Variants in CDH18 observed in about 807,000 individuals in gnomAD.
CDH18 encodes cadherin 18, also known as cadherin-18.
A neutral mutation model predicts 67.9 loss-of-function variants in CDH18; 31 were observed. The ratio of observed to expected loss-of-function variants is 0.46; its 90% confidence interval spans 0.34 to 0.62. The LOEUF is 0.62. Among genes scored for constraint, CDH18 ranks in the 20% least tolerant of loss-of-function variants. The pLI is 0.01. For synonymous variants in CDH18, 362 were observed against 347.2 expected (o/e 1.04, Z -0.48); for missense variants, 890 against 975.5 (o/e 0.91, Z 1.17).
At chr5:19,482,099 A>C (rs1739526187) in intron 12 of CDH18, among the ~76,000 whole-genome samples, 1 of 152,052 alleles carries the variant, frequency 6.6e-6, no homozygotes, top group African/African-American at 2.4e-5. Flanking sequence ...ATTTCAAATA[A>C]AAAATTTATT....
intron 3 of CDH18, among the ~76,000 whole-genome samples, chr5:19,837,035 T>A (rs1296932087): frequency 3.3e-5 from 5 of 152,082 alleles, no homozygotes; most frequent in African/African-American, 9.7e-5. Context: ...ATAAACTGGA[T>A]AAATAAAATG....
At position 19,740,384 on chromosome 5, in the gene CDH18, A is replaced by T. The variant is rs531886989; in HGVS notation, c.523+6558T>A. On this transcript the variant is annotated intron_variant, in intron 4 of 12. Transcript: ENST00000382275. Reference sequence around the variant, plus strand: ...AACAACTTCTAGATTTAAAACATTTAAAAAAAAATGACTGCAATAGAAACA... The same window carrying T: ...AACAACTTCTAGATTTAAAACATTTTAAAAAAAATGACTGCAATAGAAACA... Among the ~76,000 whole-genome samples, 41 of 151,092 alleles carry T rather than the reference A, an allele frequency of 2.7e-4. 1 individual carries two copies. The highest frequency in any genetic ancestry group is 5.8e-4 in the East Asian group (3 of 5,156).
At chr5:19,927,208 T>A (rs1667189692) in intron 2 of CDH18, among the ~76,000 whole-genome samples, 1 of 152,162 alleles carries the variant, frequency 6.6e-6, no homozygotes. Flanking sequence ...GCTAACCTGC[T>A]CATAAAGTGT....
At chr5:19,867,059 A>G (rs368196550) in intron 2 of CDH18, among the ~76,000 whole-genome samples, 14 of 152,316 alleles carry the variant, frequency 9.2e-5, no homozygotes, top group African/African-American at 3.1e-4. Context: ...ACTGCACTCC[A>G]GCCTGGGCAA....
chr5:19,737,669 G>A (rs1450291053), intron 4 of CDH18, among the ~76,000 whole-genome samples: 1 of 152,162 alleles, frequency 6.6e-6, no homozygotes, highest in East Asian at 1.9e-4. Context: ...TCAATTAAAA[G>A]TGAGGGGGAT....
chr5:20,260,129 C>A (rs572247215), intron 1 of CDH18, among the ~76,000 whole-genome samples: 2 of 151,416 alleles, frequency 1.3e-5, no homozygotes, highest in African/African-American at 2.4e-5. Flanking sequence ...TTAGATAAGC[C>A]GTAAAATCCA....
intron 2 of CDH18, among the ~76,000 whole-genome samples, chr5:19,891,856 T>A (rs1788813283): frequency 6.6e-6 from 1 of 152,220 alleles, no homozygotes; most frequent in South Asian, 2.1e-4. Context: ...ACATATTTTA[T>A]GTTTAAAAGC....
chr5:19,510,214 A>G (rs1002230035), intron 10 of CDH18, among the ~76,000 whole-genome samples: 4 of 152,174 alleles, frequency 2.6e-5, no homozygotes, highest in African/African-American at 7.2e-5. Context: ...GATGCATCGG[A>G]TTTCTTCAAA....
intron 11 of CDH18, among the ~76,000 whole-genome samples, chr5:19,489,126 T>C (rs1378088126): frequency 6.6e-6 from 1 of 152,168 alleles, no homozygotes; most frequent in Non-Finnish European, 1.5e-5. Flanking sequence ...ATAATGCTGA[T>C]ACAAATTATA....
Position 20,519,942 on chromosome 5 carries a change from C to CTTTTTTTTTTTTTTTT in CDH18, c.-580+55504_-580+55519dup, listed in dbSNP as rs777265512. On this transcript the variant is annotated intron_variant, in intron 1 of 14. Coordinates refer to the CDH18 transcript ENST00000507958. ...AGGCTGGAGTACAACACAGTCTTGG[C>CTTTTTTTTTTTTTTTT]TTTTTTTTTTTTTTTTTTTTTTTTT... 9.4e-4 allele frequency among the ~76,000 whole-genome samples: 39 copies of CTTTTTTTTTTTTTTTT among 41,686 alleles called. 15 individuals carry two copies. The highest frequency in any genetic ancestry group is 1.3e-3 in the African/African-American group (15 of 11,260). 27.3% of individuals were successfully genotyped at this position (41,686 alleles called of 152,430 possible). A position where few individuals can be genotyped will look rare whatever the true frequency, so the allele number is the denominator to read the frequency against.
At chr5:20,451,750 C>T (rs1326559163) in intron 1 of CDH18, among the ~76,000 whole-genome samples, 2 of 151,948 alleles carry the variant, frequency 1.3e-5, no homozygotes, top group Admixed American at 1.3e-4. Context: ...AATCAAATTG[C>T]CTATATTTCA....
intron 1 of CDH18, among the ~76,000 whole-genome samples, chr5:20,549,376 T>G (rs1464850448): frequency 6.6e-6 from 1 of 152,122 alleles, no homozygotes; most frequent in Non-Finnish European, 1.5e-5. Flanking sequence ...CTGTGTGTCT[T>G]CTAATTTTTG....
At chr5:20,294,072 T>A (rs955450238) in intron 1 of CDH18, among the ~76,000 whole-genome samples, 5 of 152,178 alleles carry the variant, frequency 3.3e-5, no homozygotes, top group African/African-American at 1.2e-4. Context: ...TTATATACAC[T>A]GTTGGTCATA....
chr5:20,175,531 T>C (rs1186024586), intron 2 of CDH18, among the ~76,000 whole-genome samples: 3 of 152,164 alleles, frequency 2.0e-5, no homozygotes, highest in Non-Finnish European at 2.9e-5. Flanking sequence ...GATTGTCTAG[T>C]AGCATTGCCA....
intron 2 of CDH18, among the ~76,000 whole-genome samples, chr5:20,125,927 T>C (rs563105235): frequency 2.0e-5 from 3 of 152,218 alleles, no homozygotes; most frequent in African/African-American, 7.2e-5. Flanking sequence ...CCATTCAATA[T>C]CCTAATGGAA....
intron 10 of CDH18, among the ~76,000 whole-genome samples, chr5:19,518,933 T>G (rs1315499151): frequency 2.6e-5 from 4 of 152,138 alleles, no homozygotes; most frequent in Admixed American, 6.6e-5. Flanking sequence ...AGAAACCTAA[T>G]TTAGGAATAT....
chr5:19,729,035 A>C (rs1336026111), intron 4 of CDH18, among the ~76,000 whole-genome samples: 1 of 152,196 alleles, frequency 6.6e-6, no homozygotes, highest in African/African-American at 2.4e-5. Flanking sequence ...GCAAGTACAC[A>C]TATGAAACAT....
At chr5:20,136,575 T>G (rs1749737063) in intron 2 of CDH18, among the ~76,000 whole-genome samples, 1 of 152,212 alleles carries the variant, frequency 6.6e-6, no homozygotes, top group Admixed American at 6.5e-5. Flanking sequence ...ATTGGAGCAT[T>G]TAGCCCATTT....
At chr5:20,441,839 C>A (rs1472894) in intron 1 of CDH18, among the ~76,000 whole-genome samples, 118,014 of 151,672 alleles carry the variant, frequency 0.78, 46,485 homozygotes, top group African/African-American at 0.86. Context: ...AATTATTTTC[C>A]TTACTATTTA....
Sources: allele counts gnomAD v4.1 joint callset (sites outside exome capture counted in the v4.1 genomes callset), GRCh38; gene constraint gnomAD v4.1.1; transcripts MANE v1.5; gene names NCBI Gene and HGNC (gene_info 2026-07-23, HGNC 2026-07-21).